Variants in PCDH15 observed in about 807,000 individuals in gnomAD.
PCDH15 encodes the protein protocadherin related 15, also known as protocadherin-15.
PCDH15 carries 129 observed loss-of-function variants against 178.5 expected under a neutral mutation model. The ratio of observed to expected loss-of-function variants is 0.72; its 90% CI spans 0.63 to 0.84. PCDH15 has a LOEUF of 0.84. Ranked by LOEUF, PCDH15 falls within the 40% of genes least tolerant of loss-of-function variation. PCDH15 has a pLI of 0.00. For missense variants in PCDH15, 2,230 were observed against 2,099.9 expected (o/e 1.06, Z -1.21); for synonymous variants, 800 against 732.0 (o/e 1.09, Z -1.50).
intron 2 of PCDH15, among the ~76,000 whole-genome samples, chr10:54,908,626 C>A (rs185181768): frequency 6.6e-6 from 1 of 152,300 alleles, no homozygotes; most frequent in East Asian, 1.9e-4. Flanking sequence ...TGTCCTGCAT[C>A]CAGGAAGAAA....
chr10:54,015,067 A>G (rs537102442), intron 20 of PCDH15, among the ~76,000 whole-genome samples: 71 of 152,292 alleles, frequency 4.7e-4, no homozygotes, highest in Non-Finnish European at 8.1e-4. Context: ...AAGTTTCAGG[A>G]TACCAAATCA....
chr10:54,663,063 G>A (rs576994209), intron 2 of PCDH15, among the ~76,000 whole-genome samples: 108 of 152,006 alleles, frequency 7.1e-4, no homozygotes, highest in African/African-American at 2.5e-3. Flanking sequence ...TTATGAAAGG[G>A]AATATACTAT....
chr10:55,086,064 A>G (rs1017610163), intron 2 of PCDH15, among the ~76,000 whole-genome samples: 1 of 151,616 alleles, frequency 6.6e-6, no homozygotes, highest in Non-Finnish European at 1.5e-5. Flanking sequence ...GATATATTTA[A>G]TATGTATTAT....
At chr10:53,851,354 G>A (rs920747009) in intron 28 of PCDH15, among the ~76,000 whole-genome samples, 1 of 151,670 alleles carries the variant, frequency 6.6e-6, no homozygotes, top group Non-Finnish European at 1.5e-5. Context: ...TCGAATAGAA[G>A]CTCCATGGCA....
At chr10:55,158,573 C>T (rs1405207342) in intron 2 of PCDH15, among the ~76,000 whole-genome samples, 1 of 147,320 alleles carries the variant, frequency 6.8e-6, no homozygotes, top group Admixed American at 7.1e-5. Flanking sequence ...TGAATAACAG[C>T]TGATTATAAC....
chr10:55,398,631 A>G (rs930202382), intron 2 of PCDH15, among the ~76,000 whole-genome samples: 5 of 152,220 alleles, frequency 3.3e-5, no homozygotes, highest in African/African-American at 1.2e-4. Flanking sequence ...ACCCAGTCAT[A>G]ACAGGACCTA....
rs370664332 is a variant in PCDH15, at chr10:54,435,277, A to G, written c.158-56335T>C. On this transcript the variant is annotated intron_variant, in intron 3 of 37. Coordinates refer to ENST00000644397, the MANE Select transcript of PCDH15 (RefSeq NM_001384140.1). ...AAGATGTTGAACAGATGATTCTGAC[A>G]GCCTGGAATTTTCTCTCTCCACTTT... Among the ~76,000 whole-genome samples the G allele has an allele frequency of 5.3e-5, 8 of 152,282 alleles. No homozygotes were observed. In the East Asian group the frequency reaches 1.5e-3, roughly 29 times the overall value.
At chr10:53,808,776 C>CT (rs2075751711) in intron 37 of PCDH15, 1 of 1,612,162 alleles carries the variant, frequency 6.2e-7, no homozygotes, top group South Asian at 1.1e-5. Flanking sequence ...ACGCTGGTAC[C>CT]TGATAGCCCC....
intron 2 of PCDH15, among the ~76,000 whole-genome samples, chr10:55,423,324 G>C (rs978361854): frequency 6.6e-6 from 1 of 151,954 alleles, no homozygotes; most frequent in Admixed American, 6.6e-5. Context: ...ATGCACTGTA[G>C]GGTATCAGAT....
chr10:53,982,519 AG>A (rs1291009036), intron 21 of PCDH15, among the ~76,000 whole-genome samples: 2 of 151,996 alleles, frequency 1.3e-5, no homozygotes, highest in Non-Finnish European at 2.9e-5. Context: ...TGTCCTTTGT[AG>A]GGACATGGAT....
At chr10:54,716,813 G>A (rs2095485617) in intron 1 of PCDH15, among the ~76,000 whole-genome samples, 1 of 150,624 alleles carries the variant, frequency 6.6e-6, no homozygotes, top group South Asian at 2.1e-4. Flanking sequence ...TCAATCCTAA[G>A]CCAAAAGAAC....
At chr10:55,011,479 T>G (rs989516684) in intron 2 of PCDH15, among the ~76,000 whole-genome samples, 7 of 152,138 alleles carry the variant, frequency 4.6e-5, no homozygotes, top group Non-Finnish European at 8.8e-5. Flanking sequence ...AGGTCTCTTC[T>G]AATTGTGGTT....
At chr10:54,774,839 C>T (rs1341507389) in intron 1 of PCDH15, among the ~76,000 whole-genome samples, 1 of 152,030 alleles carries the variant, frequency 6.6e-6, no homozygotes. Context: ...ACATTTACTC[C>T]TTTTTTTCAT....
In PCDH15 at chr10:54,168,964, T is replaced by C. The variant is rs1010661374; in HGVS notation, c.1590+14480A>G. On this transcript the variant is annotated intron_variant, in intron 13 of 37. Transcript: ENST00000644397. ...AGCCACATCTCCAGCACAAAAGAAC[T>C]TCCAAATGCCTGAACCGCAGCGGCC... Among the ~76,000 whole-genome samples, 117 of 152,140 alleles carry C rather than the reference T, an allele frequency of 7.7e-4. 1 individual carries two copies. The highest frequency in any genetic ancestry group is 2.5e-3 in the African/African-American group (103 of 41,506).
intron 2 of PCDH15, among the ~76,000 whole-genome samples, chr10:55,617,789 G>A (rs1843509294): frequency 1.3e-5 from 2 of 151,908 alleles, no homozygotes; most frequent in Non-Finnish European, 2.9e-5. Context: ...ATTGGGTAAC[G>A]ACATTTTGGC....
At chr10:54,245,401 G>T (rs962998277) in intron 8 of PCDH15, among the ~76,000 whole-genome samples, 2 of 152,002 alleles carry the variant, frequency 1.3e-5, no homozygotes, top group African/African-American at 4.8e-5. Context: ...AATAAAGAAT[G>T]ATTAAATATT....
intron 8 of PCDH15, among the ~76,000 whole-genome samples, chr10:54,315,400 T>TTA (rs2133596936): frequency 6.6e-6 from 1 of 152,272 alleles, no homozygotes; most frequent in South Asian, 2.1e-4. Flanking sequence ...TTCTTGTAAT[T>TTA]TTAAATTCCT....
Position 53,961,872 on chromosome 10 carries a change from CA to C in PCDH15, c.2888del (p.Val963GlyfsTer5). ...ADPPGLPASR[V>X]RYRVDDVQFP... ...ACTGTACATCATCTACTCTATACCTCACACGACTTGCAGGTAATCCCTAAAA... is the reference window on the plus strand; with the variant it reads ...ACTGTACATCATCTACTCTATACCTCCACGACTTGCAGGTAATCCCTAAAA... On this transcript the variant is annotated frameshift_variant, in exon 22 of 38. Coordinates refer to ENST00000644397, the MANE Select transcript of PCDH15 (RefSeq NM_001384140.1). LOFTEE classifies it high-confidence loss of function. The C allele has an allele frequency of 6.2e-7, 1 of 1,609,758 alleles. No individual in the cohort carries two copies. Among genetic ancestry groups the C allele is most frequent in the Non-Finnish European group, 8.5e-7 (1 of 1,176,672 alleles).
chr10:55,215,667 A>G (rs933028939), intron 1 of PCDH15, among the ~76,000 whole-genome samples: 2 of 152,072 alleles, frequency 1.3e-5, no homozygotes, highest in African/African-American at 4.8e-5. Context: ...ATGGATACTA[A>G]TAAATTCTTA....
Sources: allele counts gnomAD v4.1 joint callset (sites outside exome capture counted in the v4.1 genomes callset), GRCh38; gene constraint gnomAD v4.1.1; transcripts MANE v1.5; gene names NCBI Gene and HGNC (gene_info 2026-07-23, HGNC 2026-07-21).